Variants in MYT1L observed in about 807,000 individuals in gnomAD.
The protein encoded by MYT1L is myelin transcription factor 1 like.
Under a neutral mutation model 126.7 loss-of-function variants are expected in MYT1L, and 12 were observed. The observed-to-expected ratio is 0.09, with a 90% CI of 0.06 to 0.15. The LOEUF (loss-of-function observed/expected upper bound fraction) is 0.15, where lower values mean the gene tolerates loss of function less well. MYT1L is among the 10% of genes least tolerant of loss of function. The pLI is 1.00. For synonymous variants in MYT1L, 541 were observed against 604.2 expected (o/e 0.90, Z 1.53); for missense variants, 979 against 1,585.2 (o/e 0.62, Z 6.49).
intron 2 of MYT1L, among the ~76,000 whole-genome samples, chr2:2,241,377 C>T (rs1381803409): frequency 6.6e-6 from 1 of 152,034 alleles, no homozygotes. Flanking sequence ...AGTGAATTTG[C>T]CTTTCTCGTT....
chr2:2,078,650 A>G (rs986717074), intron 3 of MYT1L, among the ~76,000 whole-genome samples: 4 of 152,216 alleles, frequency 2.6e-5, no homozygotes, highest in Non-Finnish European at 5.9e-5. Flanking sequence ...ACAATTATAA[A>G]CATATGTGCA....
intron 1 of MYT1L, among the ~76,000 whole-genome samples, chr2:2,328,862 T>C (rs552761408): frequency 6.6e-6 from 1 of 152,278 alleles, no homozygotes; most frequent in East Asian, 1.9e-4. Flanking sequence ...CTTTACTAAA[T>C]AAAAATGTTC....
intron 2 of MYT1L, among the ~76,000 whole-genome samples, chr2:2,251,892 AAAAG>A (rs769813282): frequency 1.8e-4 from 27 of 152,044 alleles, no homozygotes; most frequent in East Asian, 3.9e-4. Context: ...AAGAAGAACG[AAAAG>A]AAAGAAAGAA....
rs778754640 is a variant in MYT1L at position 1,928,066 on chromosome 2, G to C, written c.506-4803C>G. ...TCCCCCTGGCTCAAGTGACCCTCCC[G>C]CCTCAGCTTTTGAGTAGCTGGGACT... On this transcript the variant is annotated intron_variant, in intron 9 of 24. Coordinates refer to ENST00000647738, the MANE Select transcript of MYT1L (RefSeq NM_001303052.2). Among the ~76,000 whole-genome samples the C allele has an allele frequency of 7.2e-5, 11 of 152,136 alleles. 2 individuals are homozygous for C. Among genetic ancestry groups the C allele is most frequent in the Non-Finnish European group, 5.9e-5 (4 of 67,994 alleles).
At chr2:2,280,604 C>T (rs751028473) in intron 2 of MYT1L, among the ~76,000 whole-genome samples, 8 of 152,156 alleles carry the variant, frequency 5.3e-5, no homozygotes, top group Non-Finnish European at 7.3e-5. Flanking sequence ...TGTTTCCTTC[C>T]CTAGTGTTAT....
At chr2:1,980,725 A>G (rs546564440) in intron 5 of MYT1L, among the ~76,000 whole-genome samples, 28 of 152,330 alleles carry the variant, frequency 1.8e-4, no homozygotes, top group Non-Finnish European at 4.0e-4. Context: ...AGTAAGGACC[A>G]AAAATCACAT....
At chr2:2,259,544 T>C (rs1057228886) in intron 2 of MYT1L, among the ~76,000 whole-genome samples, 1 of 152,330 alleles carries the variant, frequency 6.6e-6, no homozygotes, top group South Asian at 2.1e-4. Context: ...TTGTCAATTA[T>C]ATTTTAAAAG....
chr2:2,253,846 A>T (rs373231211), intron 2 of MYT1L, among the ~76,000 whole-genome samples: 8 of 152,178 alleles, frequency 5.3e-5, no homozygotes, highest in East Asian at 3.9e-4. Flanking sequence ...GGAAACAATC[A>T]TTCCAGCCAC....
At chr2:2,191,508 G>A (rs572877458) in intron 2 of MYT1L, among the ~76,000 whole-genome samples, 1 of 152,136 alleles carries the variant, frequency 6.6e-6, no homozygotes, top group South Asian at 2.1e-4. Context: ...TCTACAGCAG[G>A]GACCTCAGCA....
At position 2,235,137 on chromosome 2, in the gene MYT1L, G is replaced by A. The variant is rs528455236; in HGVS notation, c.-421+49267C>T. ...GTTCTTCTTAGAGGGGTGTCTGTTA[G>A]CTGGTTAGCATCTCCCTCACATCCT... On this transcript the variant is annotated intron_variant, in intron 2 of 24. Transcript: ENST00000647738. Among the ~76,000 whole-genome samples, 3 of 152,082 alleles carry A rather than the reference G, an allele frequency of 2.0e-5. No individual in the cohort carries two copies. In the South Asian group the frequency reaches 6.2e-4, roughly 32 times the overall value.
intron 14 of MYT1L, among the ~76,000 whole-genome samples, chr2:1,900,702 G>A (rs75897940): frequency 0.011 from 1,748 of 152,268 alleles, 38 homozygotes; most frequent in African/African-American, 0.04. Context: ...TAACACTTGC[G>A]CCTCTAAAAT....
In MYT1L at chr2:2,059,329, C is replaced by T. The variant is rs1020699143; in HGVS notation, c.-303-5206G>A. On this transcript the variant is annotated intron_variant, in intron 3 of 24. Transcript: ENST00000647738. The surrounding 1 kb of genome is among the most constrained non-coding windows in gnomAD (Gnocchi z 4.7). ...CCATGAAAGCACATGCCATCTTGTC[C>T]CATGCAACACAAAACATGCAGGGCA... 2.7e-5 allele frequency among the ~76,000 whole-genome samples: 4 copies of T among 149,482 alleles called. No homozygotes were observed. Among genetic ancestry groups the T allele is most frequent in the Non-Finnish European group, 4.4e-5 (3 of 68,010 alleles).
intron 2 of MYT1L, among the ~76,000 whole-genome samples, chr2:2,237,387 C>T (rs1040623574): frequency 5.9e-5 from 9 of 152,216 alleles, no homozygotes; most frequent in East Asian, 1.9e-4. Context: ...AGAAAAGGCC[C>T]GTTCCTTCAC....
At position 2,330,961 on chromosome 2, in the gene MYT1L, A is replaced by G. The variant is rs2096281118; in HGVS notation, c.-521+6T>C. The G allele has an allele frequency of 6.6e-6, 1 of 152,154 alleles. No individual in the cohort carries two copies. Among genetic ancestry groups the G allele is most frequent in the Non-Finnish European group, 1.5e-5 (1 of 68,040 alleles). The allele number at this position is 152,154 out of a possible 1,614,324, so 9.4% of individuals were successfully genotyped here. A position where few individuals can be genotyped will look rare whatever the true frequency, so the allele number is the denominator to read the frequency against. ...CCGAAAAATTAACCTAACGAACATC[A>G]CGTACCTCACAATGACCACAACCGC... On this transcript the variant is annotated splice_donor_region_variant and intron_variant, in intron 1 of 24. Coordinates refer to ENST00000647738, the MANE Select transcript of MYT1L (RefSeq NM_001303052.2).
At chr2:2,218,397 A>G (rs2148962076) in intron 2 of MYT1L, among the ~76,000 whole-genome samples, 1 of 152,362 alleles carries the variant, frequency 6.6e-6, no homozygotes, top group Non-Finnish European at 1.5e-5. Flanking sequence ...AAAGGAGTGC[A>G]CTATTGATAC....
chr2:2,233,816 C>G (rs2094217667), intron 2 of MYT1L, among the ~76,000 whole-genome samples: 1 of 152,190 alleles, frequency 6.6e-6, no homozygotes, highest in Non-Finnish European at 1.5e-5. Context: ...TCACCCTGTA[C>G]TGGCCTGCCA....
At chr2:2,063,184 T>G (rs750137685) in intron 3 of MYT1L, among the ~76,000 whole-genome samples, 8 of 152,216 alleles carry the variant, frequency 5.3e-5, no homozygotes, top group African/African-American at 9.6e-5. Flanking sequence ...CTCCTTCTTC[T>G]ACTTAAAATA....
intron 3 of MYT1L, among the ~76,000 whole-genome samples, chr2:2,067,886 G>A (rs1036708761): frequency 5.9e-5 from 9 of 151,674 alleles, no homozygotes; most frequent in Non-Finnish European, 1.2e-4. Context: ...TTTCACAAGC[G>A]GGAACACATA....
chr2:2,050,780 G>C (rs1165911658), intron 4 of MYT1L, among the ~76,000 whole-genome samples: 1 of 152,194 alleles, frequency 6.6e-6, no homozygotes, highest in Non-Finnish European at 1.5e-5. Flanking sequence ...GTGTGCAACA[G>C]CTGCTGCTTT....
Sources: gnomAD v4.1 joint callset for allele counts (sites outside exome capture counted in the v4.1 genomes callset) on GRCh38, gnomAD v4.1.1 for gene constraint, Gnocchi (gnomAD v3.1) non-coding constraint, MANE v1.5 for transcripts, NCBI Gene and HGNC (gene_info 2026-07-23, HGNC 2026-07-21) for gene names.